The following SNAPC3 variants were observed in gnomAD, a reference collection of about 807,000 sequenced individuals.
SNAPC3 encodes the protein small nuclear RNA activating complex polypeptide 3, also known as snRNA-activating protein complex subunit 3.
Under a neutral mutation model 47.7 loss-of-function variants are expected in SNAPC3, and 56 were observed. That is an observed-to-expected ratio of 1.18 (90% CI 0.95 to 1.47). SNAPC3 has a LOEUF of 1.47. Among genes scored for constraint, SNAPC3 ranks in the 40% most tolerant of loss-of-function variants. The probability of loss-of-function intolerance (pLI) is 0.00; values close to 1 mark genes in which losing one functional copy is unlikely to be tolerated. For synonymous variants in SNAPC3, 235 were observed against 189.9 expected (o/e 1.24, Z -1.95); for missense variants, 665 against 511.3 (o/e 1.30, Z -2.90).
intron 3 of SNAPC3, among the ~76,000 whole-genome samples, chr9:15,435,742 A>AG: frequency 6.6e-6 from 1 of 152,114 alleles, no homozygotes; most frequent in East Asian, 1.9e-4. Context: ...AAAAAAAAAA[A>AG]AAGAGTTCTT....
At chr9:15,462,594 C>G (rs1256169981), downstream of SNAPC3, 1 of 152,122 alleles carries the variant, frequency 6.6e-6, no homozygotes, top group Non-Finnish European at 1.5e-5. Flanking sequence ...ACATGTCAAC[C>G]TGCTTGGTAG....
chr9:15,454,229 CAAA>C (rs574232604), intron 7 of SNAPC3, among the ~76,000 whole-genome samples: 10 of 109,966 alleles, frequency 9.1e-5, no homozygotes, highest in Admixed American at 9.5e-5. Context: ...GACCTTGTCT[CAAA>C]AAAAAAAAAA....
At chr9:15,463,667 G>C (rs2035400263), downstream of SNAPC3, 1 of 151,622 alleles carries the variant, frequency 6.6e-6, no homozygotes, top group South Asian at 2.1e-4. Context: ...GTTCTGAGAA[G>C]TTATCTGTAA....
intron 3 of SNAPC3, among the ~76,000 whole-genome samples, chr9:15,443,468 A>G (rs1267619202): frequency 6.6e-6 from 1 of 151,992 alleles, no homozygotes; most frequent in Non-Finnish European, 1.5e-5. Context: ...TGACTTTTCC[A>G]AACGATTATT....
intron 2 of SNAPC3, among the ~76,000 whole-genome samples, chr9:15,431,138 C>T (rs1444799293): frequency 1.3e-5 from 2 of 152,188 alleles, no homozygotes; most frequent in African/African-American, 4.8e-5. Context: ...CTGCAATACA[C>T]TGCAGTCTGA....
chr9:15,428,359 T>C (rs574003243), intron 2 of SNAPC3, among the ~76,000 whole-genome samples: 49 of 151,040 alleles, frequency 3.2e-4, no homozygotes, highest in Non-Finnish European at 6.2e-4. Context: ...GCCTGTTAAG[T>C]CTAGCCGGTC....
Position 15,449,415 on chromosome 9 carries a change from G to T in SNAPC3, c.733-1905G>T, listed in dbSNP as rs533923088. On this transcript the variant is annotated intron_variant, in intron 5 of 8. Transcript: ENST00000380821. Reference sequence around the variant, plus strand: ...TAACCAGGCTTTGTCAATTTACTTGGTCTGTACATTGCTGCTGATAGCTTC... The same window carrying T: ...TAACCAGGCTTTGTCAATTTACTTGTTCTGTACATTGCTGCTGATAGCTTC... Among the ~76,000 whole-genome samples, 326 of 151,746 alleles carry T rather than the reference G, an allele frequency of 2.1e-3. 2 individuals are homozygous for T. The highest frequency in any genetic ancestry group is 3.7e-3 in the Non-Finnish European group (250 of 67,920).
intron 4 of SNAPC3, among the ~76,000 whole-genome samples, chr9:15,445,168 T>G (rs550542565): frequency 6.6e-6 from 1 of 152,322 alleles, no homozygotes; most frequent in African/African-American, 2.4e-5. Context: ...TGCCATCTGT[T>G]CTAATAAGGA....
chr9:15,466,269 C>T (rs2035619555), downstream of SNAPC3, among the ~76,000 whole-genome samples: 3 of 151,888 alleles, frequency 2.0e-5, no homozygotes, highest in South Asian at 6.2e-4. Context: ...ATCCCAGCTA[C>T]TTGGGAGGCT....
downstream of SNAPC3, chr9:15,463,927 GCTTA>G (rs1449058671): frequency 6.3e-6 from 1 of 159,916 alleles, no homozygotes; most frequent in Non-Finnish European, 1.4e-5. Context: ...ATCATCTTGA[GCTTA>G]CTGTTTAGTT....
At chr9:15,454,107 C>G (rs529583159) in intron 7 of SNAPC3, among the ~76,000 whole-genome samples, 1 of 152,044 alleles carries the variant, frequency 6.6e-6, no homozygotes, top group Non-Finnish European at 1.5e-5. Flanking sequence ...GTGGTGTGTG[C>G]CTGTAATCCC....
chr9:15,442,423 T>A (rs2033525844), intron 3 of SNAPC3, among the ~76,000 whole-genome samples: 1 of 139,840 alleles, frequency 7.2e-6, no homozygotes, highest in African/African-American at 2.7e-5. Context: ...ACGGGGCGGC[T>A]GCCGGGCGGA....
chr9:15,452,989 G>C, intron 6 of SNAPC3, 52 bp from the exon 7 acceptor site: 1 of 1,457,400 alleles, frequency 6.9e-7, no homozygotes, highest in South Asian at 1.3e-5. Flanking sequence ...GTTTTCTGTA[G>C]TTTTTAAGTT....
intron 3 of SNAPC3, among the ~76,000 whole-genome samples, chr9:15,442,306 T>A (rs1047939323): frequency 4.9e-5 from 7 of 142,460 alleles, no homozygotes; most frequent in Non-Finnish European, 1.5e-5. Context: ...GCCCCCCACC[T>A]CCCTCCCGGA....
intron 5 of SNAPC3, among the ~76,000 whole-genome samples, chr9:15,449,757 G>T (rs1428139119): frequency 1.3e-5 from 2 of 151,208 alleles, no homozygotes; most frequent in African/African-American, 4.9e-5. Flanking sequence ...TTTTAGTAGA[G>T]ATGGGGTTTC....
intron 2 of SNAPC3, among the ~76,000 whole-genome samples, chr9:15,425,358 C>G (rs1285095088): frequency 6.6e-6 from 1 of 152,128 alleles, no homozygotes; most frequent in Non-Finnish European, 1.5e-5. Context: ...GCTGGGATTA[C>G]CGGTGCCTGC....
At chr9:15,446,080 G>C (rs796103048) in intron 4 of SNAPC3, among the ~76,000 whole-genome samples, 1 of 152,156 alleles carries the variant, frequency 6.6e-6, no homozygotes, top group Non-Finnish European at 1.5e-5. Flanking sequence ...GAAATTTTAA[G>C]ACAGTCTTGC....
chr9:15,459,917 G>C lies in SNAPC3; in HGVS notation c.*51G>C. On this transcript the variant is annotated 3_prime_UTR_variant, in exon 9 of 9. Coordinates refer to ENST00000380821, the MANE Select transcript of SNAPC3 (RefSeq NM_001039697.2). ...CCCTCATGAAATAACTGTTCTCTTG[G>C]ATGGTTACCTTATTTCTAAGAAACG... 1 of 1,519,220 alleles carries C rather than the reference G, an allele frequency of 6.6e-7. No individual in the cohort carries two copies. The highest frequency in any genetic ancestry group is 9.0e-7 in the Non-Finnish European group (1 of 1,110,666). The allele number at this position is 1,519,220 out of a possible 1,614,324, so 94.1% of individuals were successfully genotyped here.
chr9:15,427,094 T>A (rs1038543718), intron 2 of SNAPC3, among the ~76,000 whole-genome samples: 1 of 152,336 alleles, frequency 6.6e-6, no homozygotes, highest in South Asian at 2.1e-4. Context: ...ACTTTTTCTT[T>A]CCCACATCAA....
Sources: allele counts gnomAD v4.1 joint callset (sites outside exome capture counted in the v4.1 genomes callset), GRCh38; gene constraint gnomAD v4.1.1; transcripts MANE v1.5; gene names NCBI Gene and HGNC (gene_info 2026-07-23, HGNC 2026-07-21).